SHISA9: variants seen among roughly 807,000 people sequenced by gnomAD.
SHISA9 encodes the protein protein shisa-9.
Under a neutral mutation model 38.0 loss-of-function variants are expected in SHISA9, and 13 were observed. The observed-to-expected ratio is 0.34, with a 90% confidence interval of 0.22 to 0.54. SHISA9 has a LOEUF of 0.54. Ranked by LOEUF, SHISA9 falls within the 20% of genes least tolerant of loss-of-function variation. SHISA9 has a pLI of 0.91. For missense variants in SHISA9, 538 were observed against 575.8 expected, an observed-to-expected ratio of 0.93 and a Z score of 0.67; for synonymous variants, 275 against 242.0, an observed-to-expected ratio of 1.14 and a Z score of -1.27.
At chr16:13,330,714 G>A in the SHISA9 span, among the ~76,000 whole-genome samples, 2 of 152,300 alleles carry the variant, frequency 1.3e-5, no homozygotes, top group East Asian at 3.9e-4. Flanking sequence ...CACAATTTAA[G>A]CAACCCTTGT....
At chr16:13,392,458 T>A in the SHISA9 span, among the ~76,000 whole-genome samples, 4 of 152,326 alleles carry the variant, frequency 2.6e-5, no homozygotes, top group East Asian at 7.7e-4. Flanking sequence ...CACAGTTTAT[T>A]GATTCACCTA....
At chr16:12,974,547 G>A (rs1306801990) in intron 2 of SHISA9, among the ~76,000 whole-genome samples, 1 of 127,484 alleles carries the variant, frequency 7.8e-6, no homozygotes, top group East Asian at 2.6e-4. Flanking sequence ...GTGAAGTGGT[G>A]CAATCTTGGC....
At chr16:12,972,371 A>C (rs1013539453) in intron 2 of SHISA9, among the ~76,000 whole-genome samples, 2 of 152,140 alleles carry the variant, frequency 1.3e-5, no homozygotes, top group South Asian at 4.2e-4. Flanking sequence ...CCTAAAACCA[A>C]ATGAGTGGCC....
chr16:13,382,881 A>C, the SHISA9 span, among the ~76,000 whole-genome samples: 1 of 152,174 alleles, frequency 6.6e-6, no homozygotes, highest in African/African-American at 2.4e-5. Context: ...AAACAAAGTA[A>C]ATTTAAAAAA....
At chr16:13,200,088 G>A (rs961786290) in intron 2 of SHISA9, among the ~76,000 whole-genome samples, 4 of 152,108 alleles carry the variant, frequency 2.6e-5, no homozygotes, top group African/African-American at 9.7e-5. Flanking sequence ...TTTGAGGCAT[G>A]CATTCAATAC....
chr16:13,174,557 G>C (rs560836372), intron 2 of SHISA9, among the ~76,000 whole-genome samples: 2 of 152,322 alleles, frequency 1.3e-5, no homozygotes, highest in African/African-American at 4.8e-5. Context: ...TAAGAAATTT[G>C]AGAAATATTT....
At chr16:12,957,228 C>T (rs898478973) in intron 2 of SHISA9, among the ~76,000 whole-genome samples, 6 of 152,232 alleles carry the variant, frequency 3.9e-5, no homozygotes, top group African/African-American at 1.4e-4. Context: ...CTTTTAGCCT[C>T]TTTTGAACCC....
intron 2 of SHISA9, among the ~76,000 whole-genome samples, chr16:12,920,686 G>T (rs73514742): frequency 0.028 from 4,265 of 152,222 alleles, 197 homozygotes; most frequent in African/African-American, 0.098. Context: ...ACAGAGTTCT[G>T]TATACTCCTC....
chr16:13,248,168 G>C, the SHISA9 span, among the ~76,000 whole-genome samples: 2 of 152,104 alleles, frequency 1.3e-5, no homozygotes, highest in African/African-American at 4.8e-5. Flanking sequence ...TTTCCTCATG[G>C]GGGTTTGATT....
At chr16:13,037,107 C>G (rs375938126) in intron 2 of SHISA9, among the ~76,000 whole-genome samples, 987 of 43,944 alleles carry the variant, frequency 0.022, 19 homozygotes, top group African/African-American at 0.084. Context: ...CACACACACA[C>G]AGACACACAC....
intron 2 of SHISA9, among the ~76,000 whole-genome samples, chr16:13,058,621 C>T (rs1259595834): frequency 2.0e-5 from 3 of 152,228 alleles, no homozygotes; most frequent in African/African-American, 7.2e-5. Context: ...CTCTTCTAGT[C>T]TTCCACTCCA....
intron 2 of SHISA9, among the ~76,000 whole-genome samples, chr16:13,044,040 C>T (rs2073160977): frequency 6.6e-6 from 1 of 152,154 alleles, no homozygotes; most frequent in Admixed American, 6.5e-5. Context: ...TTTGTGGTCC[C>T]CCAGTTAGAA....
the SHISA9 span, among the ~76,000 whole-genome samples, chr16:13,402,395 T>G: frequency 1.3e-5 from 2 of 152,038 alleles, no homozygotes; most frequent in Non-Finnish European, 2.9e-5. Context: ...TGCACAAGGG[T>G]AGGACAAGAA....
At chr16:13,553,499 G>C in the SHISA9 span, among the ~76,000 whole-genome samples, 16 of 152,064 alleles carry the variant, frequency 1.1e-4, no homozygotes, top group African/African-American at 3.4e-4. Flanking sequence ...GCAGGGATTC[G>C]ATCTTGTGTC....
chr16:13,482,959 C>G, the SHISA9 span, among the ~76,000 whole-genome samples: 5 of 152,090 alleles, frequency 3.3e-5, no homozygotes, highest in Admixed American at 6.6e-5. Flanking sequence ...TGAGATGTAA[C>G]TCGGAGAAAA....
rs577525153 is a variant in SHISA9 at position 13,088,408 on chromosome 16, A to G, written c.692-114986A>G. Among the ~76,000 whole-genome samples the G allele has an allele frequency of 2.1e-4, 32 of 152,290 alleles. No homozygotes were observed. In the South Asian group the frequency reaches 6.6e-3, roughly 32 times the overall value. The stretch of plus-strand genomic sequence containing the variant: ...TAATCTATAAATTACCTTGGGCAAT[A>G]TGGCCATTTTCACGATATTGATTCT... On this transcript the variant is annotated intron_variant, in intron 2 of 4. Transcript: ENST00000558583.
At chr16:13,390,439 G>A in the SHISA9 span, among the ~76,000 whole-genome samples, 1 of 152,122 alleles carries the variant, frequency 6.6e-6, no homozygotes, top group Non-Finnish European at 1.5e-5. Flanking sequence ...CTGGGTGGCT[G>A]GCTGTCTTTG....
At chr16:13,436,160 A>G in the SHISA9 span, among the ~76,000 whole-genome samples, 3 of 152,190 alleles carry the variant, frequency 2.0e-5, no homozygotes, top group Admixed American at 2.0e-4. Context: ...CTGCATTCCC[A>G]GGAGGTTAGG....
the SHISA9 span, among the ~76,000 whole-genome samples, chr16:13,290,921 G>T: frequency 6.6e-6 from 1 of 152,120 alleles, no homozygotes; most frequent in Non-Finnish European, 1.5e-5. Flanking sequence ...CCATCATTTA[G>T]CACTTATTGT....
Sources: gnomAD v4.1 joint callset for allele counts (sites outside exome capture counted in the v4.1 genomes callset) on GRCh38, gnomAD v4.1.1 for gene constraint, MANE v1.5 for transcripts, NCBI Gene and HGNC (gene_info 2026-07-23, HGNC 2026-07-21) for gene names.